Variants in CC2D2B observed in about 807,000 individuals in gnomAD.
CC2D2B encodes protein CC2D2B.
Under a neutral mutation model 161.2 loss-of-function variants are expected in CC2D2B, and 128 were observed. The observed-to-expected ratio is 0.79, with a 90% CI of 0.69 to 0.92. The LOEUF (loss-of-function observed/expected upper bound fraction) is 0.92, where lower values mean the gene tolerates loss of function less well. CC2D2B is among the 40% of genes least tolerant of loss of function. CC2D2B has a pLI of 0.00. For missense variants in CC2D2B, 1,173 were observed against 1,375.1 expected (o/e 0.85, Z 2.32); for synonymous variants, 391 against 449.8 (o/e 0.87, Z 1.65).
At chr10:95,961,693 A>G in intron 11 of CC2D2B, 136 bp from the exon 12 acceptor site, 1 of 413,372 alleles carries the variant, frequency 2.4e-6, no homozygotes, top group African/African-American at 2.0e-5. Flanking sequence ...GATGGCGTTC[A>G]GATGTGTATA....
At chr10:96,023,857 G>A (rs572126936) in intron 32 of CC2D2B, among the ~76,000 whole-genome samples, 1 of 152,304 alleles carries the variant, frequency 6.6e-6, no homozygotes, top group African/African-American at 2.4e-5. Context: ...CTCAGGTGAG[G>A]GCCAAGAATT....
chr10:95,908,648 T>G (rs1393750951), intron 1 of CC2D2B, among the ~76,000 whole-genome samples: 1 of 152,044 alleles, frequency 6.6e-6, no homozygotes, highest in Non-Finnish European at 1.5e-5. Context: ...TCACTGCGGC[T>G]TAGATGGGGA....
At chr10:96,002,541 G>A (rs910850509) in intron 24 of CC2D2B, among the ~76,000 whole-genome samples, 1 of 152,180 alleles carries the variant, frequency 6.6e-6, no homozygotes, top group African/African-American at 2.4e-5. Flanking sequence ...AAAAAATGTT[G>A]TAAGGATGAC....
intron 34 of CC2D2B, among the ~76,000 whole-genome samples, chr10:96,029,543 C>T (rs1176704724): frequency 6.6e-6 from 1 of 151,302 alleles, no homozygotes; most frequent in Non-Finnish European, 1.5e-5. Flanking sequence ...AGTAGTAGAT[C>T]AATTCCCTGT....
At chr10:96,006,557 C>A (rs909685904) in intron 25 of CC2D2B, among the ~76,000 whole-genome samples, 3 of 152,002 alleles carry the variant, frequency 2.0e-5, no homozygotes, top group Admixed American at 1.3e-4. Context: ...TTTAGTCAAG[C>A]CACTGTCCCA....
intron 20 of CC2D2B, among the ~76,000 whole-genome samples, chr10:95,990,746 A>G (rs976595747): frequency 1.3e-5 from 2 of 152,182 alleles, no homozygotes; most frequent in Non-Finnish European, 2.9e-5. Flanking sequence ...GCCTGGTTTC[A>G]TATCTGAAAA....
chr10:96,023,421 A>T (rs1050659212), intron 32 of CC2D2B, among the ~76,000 whole-genome samples: 3 of 152,214 alleles, frequency 2.0e-5, no homozygotes, highest in African/African-American at 7.2e-5. Flanking sequence ...ATCCCCTTGA[A>T]GTTTTGAAGG....
At chr10:96,000,619 CT>C (rs2078446964) in intron 24 of CC2D2B, among the ~76,000 whole-genome samples, 1 of 152,160 alleles carries the variant, frequency 6.6e-6, no homozygotes, top group African/African-American at 2.4e-5. Flanking sequence ...CCGCCTCGGC[CT>C]CCCAAAGTGC....
intron 34 of CC2D2B, among the ~76,000 whole-genome samples, chr10:96,031,133 T>C (rs1201615174): frequency 2.0e-5 from 3 of 152,188 alleles, no homozygotes; most frequent in African/African-American, 4.8e-5. Flanking sequence ...ACTGGAGTTA[T>C]AGTAGTACAC....
intron 2 of CC2D2B, chr10:95,921,142 A>G (rs991032797): frequency 6.6e-6 from 1 of 152,526 alleles, no homozygotes; most frequent in Non-Finnish European, 1.5e-5. Context: ...TTAGGACCCC[A>G]GAGTGCTTTA....
Position 96,032,184 on chromosome 10 carries a change from TGAG to T in CC2D2B, c.*183_*185del. ...AGACTCGCACCCCTGAGTGAGTCTT[TGAG>T]GAGGAGTCTAGATGAGCTTCTCACC... On this transcript the variant is annotated 3_prime_UTR_variant, in exon 35 of 35. Transcript: ENST00000646931. 1 of 569,022 alleles carries T rather than the reference TGAG, an allele frequency of 1.8e-6. No individual in the cohort carries two copies. The highest frequency in any genetic ancestry group is 3.1e-6 in the Non-Finnish European group (1 of 320,514). 35.2% of individuals were successfully genotyped at this position (569,022 alleles called of 1,614,324 possible).
In CC2D2B at chr10:95,928,271, A is replaced by G. The variant is rs562230314; in HGVS notation, c.336+939A>G. The stretch of plus-strand genomic sequence containing the variant: ...TCTTAAAATTTTGAACAAGTAAAAC[A>G]TACACAGTATAAAAACGTAATGCAG... On this transcript the variant is annotated intron_variant, in intron 6 of 34. Coordinates refer to ENST00000646931, the MANE Select transcript of CC2D2B (RefSeq NM_001349008.3). 6.6e-5 allele frequency among the ~76,000 whole-genome samples: 10 copies of G among 152,310 alleles called. No individual in the cohort carries two copies. In the East Asian group the frequency reaches 1.9e-3, roughly 29 times the overall value.
chr10:95,969,073 T>G (rs2077035177), intron 15 of CC2D2B, among the ~76,000 whole-genome samples, 172 bp downstream of exon 15: 1 of 152,230 alleles, frequency 6.6e-6, no homozygotes, highest in East Asian at 1.9e-4. Context: ...ACTAGTCTTT[T>G]ATGCTGTAAG....
intron 9 of CC2D2B, among the ~76,000 whole-genome samples, chr10:95,941,826 A>G (rs894558470): frequency 4.6e-5 from 7 of 152,202 alleles, no homozygotes; most frequent in African/African-American, 1.7e-4. Flanking sequence ...ATATGATCCA[A>G]CAATCTCACT....
At chr10:96,000,207 A>G in intron 24 of CC2D2B, 1 of 1,334,606 alleles carries the variant, frequency 7.5e-7, no homozygotes, top group Non-Finnish European at 9.6e-7. Flanking sequence ...TAGAGAACAT[A>G]CATCAGGTGC....
chr10:95,983,964 C>T (rs991733887), intron 19 of CC2D2B, among the ~76,000 whole-genome samples, 155 bp downstream of exon 19: 3 of 152,072 alleles, frequency 2.0e-5, no homozygotes, highest in Non-Finnish European at 4.4e-5. Flanking sequence ...ACGTATCTCC[C>T]AAATTCCAGA....
Position 96,018,952 on chromosome 10 carries a change from G to A in CC2D2B, c.3631-251G>A, listed in dbSNP as rs145867594. ...AGCTGGGACTACAGGTGTGTGTGCCGCTGTGCCCAGCAAATTAAAAAAAAA... is the reference window on the plus strand; with the variant it reads ...AGCTGGGACTACAGGTGTGTGTGCCACTGTGCCCAGCAAATTAAAAAAAAA... On this transcript the variant is annotated intron_variant, in intron 30 of 34. Transcript: ENST00000646931. 2.6e-4 allele frequency: 75 copies of A among 289,874 alleles called. 1 individual carries two copies. Among genetic ancestry groups the A allele is most frequent in the South Asian group, 1.8e-3 (35 of 19,198 alleles). The allele number at this position is 289,874 out of a possible 1,614,324, so 18.0% of individuals were successfully genotyped here. A position where few individuals can be genotyped will look rare whatever the true frequency, so the allele number is the denominator to read the frequency against.
chr10:95,954,322 C>T (rs933948893), intron 10 of CC2D2B, among the ~76,000 whole-genome samples: 7 of 152,090 alleles, frequency 4.6e-5, no homozygotes, highest in African/African-American at 1.4e-4. Context: ...GCTCCAACTC[C>T]ACTCTTTCTC....
intron 12 of CC2D2B, among the ~76,000 whole-genome samples, chr10:95,964,060 C>T (rs571639449): frequency 5.3e-5 from 8 of 152,282 alleles, no homozygotes; most frequent in Admixed American, 3.9e-4. Flanking sequence ...TTCACTTGTG[C>T]TCTCTGTTTG....
Sources: allele counts gnomAD v4.1 joint callset (sites outside exome capture counted in the v4.1 genomes callset), GRCh38; gene constraint gnomAD v4.1.1; transcripts MANE v1.5; gene names NCBI Gene and HGNC (gene_info 2026-07-23, HGNC 2026-07-21).